The following AP3B1 variants were observed in gnomAD, a reference collection of about 807,000 sequenced individuals.
AP3B1 encodes the protein AP-3 complex subunit beta-1.
Under a neutral mutation model 132.5 loss-of-function variants are expected in AP3B1, and 61 were observed. That is an observed-to-expected ratio of 0.46 (90% CI 0.37 to 0.57). The LOEUF (loss-of-function observed/expected upper bound fraction) is 0.57, where lower values mean the gene tolerates loss of function less well. Among genes scored for constraint, AP3B1 ranks in the 20% least tolerant of loss-of-function variants. The pLI is 0.00. For synonymous variants in AP3B1, 388 were observed against 438.3 expected (o/e 0.89, Z 1.43); for missense variants, 1,120 against 1,289.4 (o/e 0.87, Z 2.01).
At chr5:78,137,870 A>G (rs1752982944) in intron 15 of AP3B1, among the ~76,000 whole-genome samples, 1 of 152,218 alleles carries the variant, frequency 6.6e-6, no homozygotes, top group Non-Finnish European at 1.5e-5. Context: ...ATAAAAATCA[A>G]TTTAGACATT....
At chr5:78,259,894 C>T (rs950713497) in intron 2 of AP3B1, among the ~76,000 whole-genome samples, 3 of 151,664 alleles carry the variant, frequency 2.0e-5, no homozygotes, top group Non-Finnish European at 2.9e-5. Context: ...CACTTGGACC[C>T]GGGAGGCAGA....
intron 15 of AP3B1, among the ~76,000 whole-genome samples, chr5:78,138,930 A>G (rs183934090): frequency 1.2e-3 from 168 of 144,294 alleles, no homozygotes; most frequent in East Asian, 7.4e-3. Context: ...AGATCATGCC[A>G]CTGAACTCTA....
intron 7 of AP3B1, among the ~76,000 whole-genome samples, chr5:78,193,742 T>TATATATATATA (rs1561469413): frequency 1.9e-3 from 173 of 90,578 alleles, no homozygotes; most frequent in Non-Finnish European, 2.8e-3. Context: ...GTATATATTT[T>TATATATATATA]TTTATATATA....
chr5:78,241,250 G>A (rs1747124200), intron 2 of AP3B1, among the ~76,000 whole-genome samples: 2 of 150,372 alleles, frequency 1.3e-5, no homozygotes, highest in South Asian at 2.1e-4. Context: ...CCAGGCTAGA[G>A]TCCAGTGGCT....
chr5:78,130,399 T>C (rs1305904409), intron 15 of AP3B1, among the ~76,000 whole-genome samples: 3 of 152,074 alleles, frequency 2.0e-5, no homozygotes, highest in African/African-American at 4.8e-5. Context: ...TGTGGTAAAC[T>C]CTTTTACAAT....
At chr5:78,151,107 C>G (rs1337041284) in intron 14 of AP3B1, among the ~76,000 whole-genome samples, 1 of 152,044 alleles carries the variant, frequency 6.6e-6, no homozygotes, top group South Asian at 2.1e-4. Context: ...TTAGAAGAAA[C>G]GAGGTTTTAC....
intron 11 of AP3B1, among the ~76,000 whole-genome samples, chr5:78,168,377 C>T (rs1396312759): frequency 1.3e-5 from 2 of 151,930 alleles, no homozygotes; most frequent in Non-Finnish European, 2.9e-5. Flanking sequence ...GTGCATACCA[C>T]CAAGCTCAGC....
intron 26 of AP3B1, 103 bp from the exon 27 acceptor site, chr5:78,003,158 A>G: frequency 7.3e-7 from 1 of 1,371,306 alleles, no homozygotes; most frequent in Non-Finnish European, 1.0e-6. Flanking sequence ...GTCAAATGAA[A>G]TAATTTGCTG....
At chr5:78,218,922 A>G (rs185144111) in intron 6 of AP3B1, among the ~76,000 whole-genome samples, 7 of 152,238 alleles carry the variant, frequency 4.6e-5, no homozygotes, top group Non-Finnish European at 1.5e-5. Context: ...GAAAATGGGA[A>G]AGATCAGTCA....
chr5:78,159,195 C>T (rs538488345), intron 13 of AP3B1, among the ~76,000 whole-genome samples: 55 of 152,226 alleles, frequency 3.6e-4, no homozygotes, highest in African/African-American at 1.3e-3. Flanking sequence ...TTTTAAAATA[C>T]ATTATTGCAA....
At chr5:78,133,907 G>A (rs1225622742) in intron 15 of AP3B1, among the ~76,000 whole-genome samples, 3 of 151,900 alleles carry the variant, frequency 2.0e-5, no homozygotes, top group Non-Finnish European at 4.4e-5. Context: ...AAGTCACTGT[G>A]ACACAGGAAA....
At position 78,265,142 on chromosome 5, in the gene AP3B1, T is replaced by C. The variant is rs370210010; in HGVS notation, c.204+2378A>G. ...CTATAACTTAAAACGTTGGAAAAAT[T>C]GAAAATTAACTTGGCCAGGCACATT... On this transcript the variant is annotated intron_variant, in intron 2 of 26. Transcript: ENST00000255194. 6.2e-4 allele frequency among the ~76,000 whole-genome samples: 94 copies of C among 152,072 alleles called. 1 individual carries two copies. The South Asian group carries it at 0.016, about 26-fold the overall frequency.
chr5:78,226,807 T>A (rs1746417327), intron 5 of AP3B1, among the ~76,000 whole-genome samples: 1 of 152,116 alleles, frequency 6.6e-6, no homozygotes, highest in Non-Finnish European at 1.5e-5. Context: ...TCCACAGAGA[T>A]CAGGGCATTG....
chr5:78,190,805 T>C (rs1465495998), intron 7 of AP3B1, among the ~76,000 whole-genome samples: 1 of 152,240 alleles, frequency 6.6e-6, no homozygotes, highest in Non-Finnish European at 1.5e-5. Context: ...CTTCTATTAT[T>C]AAGAAACTTT....
intron 1 of AP3B1, among the ~76,000 whole-genome samples, chr5:78,285,154 C>A (rs1282127027): frequency 6.6e-6 from 1 of 151,268 alleles, no homozygotes; most frequent in Admixed American, 6.6e-5. Context: ...GAGGCTGAGG[C>A]AGGAGAATGG....
intron 22 of AP3B1, among the ~76,000 whole-genome samples, chr5:78,074,008 C>G (rs1006346626): frequency 3.9e-5 from 6 of 152,136 alleles, no homozygotes; most frequent in African/African-American, 1.4e-4. Flanking sequence ...TAATTAGCAT[C>G]TGATTCAGCG....
intron 12 of AP3B1, 91 bp downstream of exon 12, chr5:78,165,519 C>T (rs1048004975): frequency 1.7e-5 from 15 of 894,780 alleles, no homozygotes; most frequent in Admixed American, 8.1e-5. Context: ...ATTTTATGTA[C>T]ATAATTACAT....
At chr5:78,127,123 T>C (rs1752496259) in intron 17 of AP3B1, among the ~76,000 whole-genome samples, 1 of 152,180 alleles carries the variant, frequency 6.6e-6, no homozygotes, top group African/African-American at 2.4e-5. Context: ...ATGATCATTA[T>C]AGAAATTCTA....
chr5:78,256,695 CCAGA>C (rs1561203564), intron 2 of AP3B1, among the ~76,000 whole-genome samples: 2 of 152,070 alleles, frequency 1.3e-5, no homozygotes, highest in South Asian at 4.1e-4. Flanking sequence ...GATACCAAAA[CCAGA>C]CAAAGACACA....
Sources: allele counts gnomAD v4.1 joint callset (sites outside exome capture counted in the v4.1 genomes callset), GRCh38; gene constraint gnomAD v4.1.1; transcripts MANE v1.5; gene names NCBI Gene and HGNC (gene_info 2026-07-23, HGNC 2026-07-21).